SGMS1: variants seen among roughly 807,000 people sequenced by gnomAD.
SGMS1 encodes the protein sphingomyelin synthase 1, also known as phosphatidylcholine:ceramide cholinephosphotransferase 1.
SGMS1 carries 13 observed loss-of-function variants against 46.2 expected under a neutral mutation model. The ratio of observed to expected loss-of-function variants is 0.28; its 90% CI spans 0.18 to 0.45. SGMS1 has a LOEUF of 0.45. Ranked by LOEUF, SGMS1 falls within the 20% of genes least tolerant of loss-of-function variation. The pLI is 1.00. For missense variants in SGMS1, 324 were observed against 519.9 expected, an observed-to-expected ratio of 0.62 and a Z score of 3.66; for synonymous variants, 203 against 187.8, an observed-to-expected ratio of 1.08 and a Z score of -0.66.
At chr10:50,553,265 G>A (rs1185392667) in intron 2 of SGMS1, among the ~76,000 whole-genome samples, 1 of 152,086 alleles carries the variant, frequency 6.6e-6, no homozygotes, top group Non-Finnish European at 1.5e-5. Flanking sequence ...TTAACCCCTG[G>A]GGTTCAAATC....
Position 50,311,732 on chromosome 10 carries a change from A to G in SGMS1, c.742-317T>C, listed in dbSNP as rs191974059. On this transcript the variant is annotated intron_variant, in intron 8 of 10. Coordinates refer to ENST00000361781, the MANE Select transcript of SGMS1 (RefSeq NM_147156.4). ...ACAGTACTTCTATCTGACTGACTGA[A>G]TAATTGCTTTAGTATAACTATCATT... Among the ~76,000 whole-genome samples, 5 of 152,368 alleles carry G rather than the reference A, an allele frequency of 3.3e-5. No individual in the cohort carries two copies. In the South Asian group the frequency reaches 1.0e-3, roughly 32 times the overall value.
At chr10:50,376,315 G>A (rs1848520650) in intron 6 of SGMS1, among the ~76,000 whole-genome samples, 1 of 152,078 alleles carries the variant, frequency 6.6e-6, no homozygotes, top group African/African-American at 2.4e-5. Context: ...TACTCTTGCT[G>A]GTTTCACCTT....
chr10:50,579,859 T>A (rs1025031190), intron 2 of SGMS1, among the ~76,000 whole-genome samples: 1 of 152,114 alleles, frequency 6.6e-6, no homozygotes, highest in African/African-American at 2.4e-5. Flanking sequence ...AAAGAGAGGA[T>A]CCCAAGATGT....
intron 6 of SGMS1, among the ~76,000 whole-genome samples, chr10:50,382,568 T>TACACACACACACAC (rs57835243): frequency 8.3e-4 from 118 of 142,758 alleles, no homozygotes; most frequent in East Asian, 3.5e-3. Flanking sequence ...AACACACACA[T>TACACACACACACAC]ACACACACAC....
intron 6 of SGMS1, among the ~76,000 whole-genome samples, chr10:50,371,271 C>T (rs751466147): frequency 1.1e-4 from 16 of 152,174 alleles, no homozygotes; most frequent in Non-Finnish European, 1.8e-4. Flanking sequence ...CGTTATGCCA[C>T]GCATGACTCT....
intron 1 of SGMS1, among the ~76,000 whole-genome samples, chr10:50,593,460 T>C (rs1214728533): frequency 6.6e-6 from 1 of 152,234 alleles, no homozygotes; most frequent in African/African-American, 2.4e-5. Flanking sequence ...TAAAGAATAA[T>C]AAAATAAATC....
chr10:50,458,372 T>C (rs1372287751), intron 5 of SGMS1, among the ~76,000 whole-genome samples: 5 of 127,068 alleles, frequency 3.9e-5, no homozygotes, highest in African/African-American at 1.5e-4. Context: ...TTTTTTTTGT[T>C]TGAGGTGGAG....
chr10:50,352,506 C>G (rs1789248319), intron 6 of SGMS1, among the ~76,000 whole-genome samples: 1 of 152,130 alleles, frequency 6.6e-6, no homozygotes, highest in African/African-American at 2.4e-5. Flanking sequence ...TGCATAAATT[C>G]TTTATCCCAA....
intron 6 of SGMS1, among the ~76,000 whole-genome samples, chr10:50,356,322 G>A (rs1848147463): frequency 1.3e-5 from 2 of 152,168 alleles, no homozygotes; most frequent in South Asian, 2.1e-4. Context: ...TAAGGGCGGT[G>A]CAAGATGTGC....
intron 3 of SGMS1, among the ~76,000 whole-genome samples, chr10:50,512,659 G>C (rs896731012): frequency 6.6e-6 from 1 of 152,200 alleles, no homozygotes; most frequent in Non-Finnish European, 1.5e-5. Context: ...AAAAGACACT[G>C]TTCTTGGCCC....
intron 1 of SGMS1, among the ~76,000 whole-genome samples, chr10:50,599,049 CA>C (rs1838623074): frequency 6.6e-6 from 1 of 152,154 alleles, no homozygotes; most frequent in Admixed American, 6.5e-5. Flanking sequence ...AATACCACTC[CA>C]CTGTATAATG....
At chr10:50,323,380 C>G (rs1847479965) in intron 8 of SGMS1, among the ~76,000 whole-genome samples, 1 of 152,152 alleles carries the variant, frequency 6.6e-6, no homozygotes, top group Non-Finnish European at 1.5e-5. Context: ...AAGCTCAACT[C>G]TCCTCCCTTA....
intron 2 of SGMS1, among the ~76,000 whole-genome samples, chr10:50,575,857 T>C (rs1308178043): frequency 6.6e-6 from 1 of 152,166 alleles, no homozygotes; most frequent in Non-Finnish European, 1.5e-5. Context: ...GCTTTTTAAG[T>C]TCCACAGAAA....
At chr10:50,456,078 T>C (rs113851237) in intron 5 of SGMS1, among the ~76,000 whole-genome samples, 8 of 152,156 alleles carry the variant, frequency 5.3e-5, no homozygotes. Flanking sequence ...ACAAGCATAA[T>C]GGAAACTTGG....
intron 8 of SGMS1, among the ~76,000 whole-genome samples, chr10:50,314,074 T>C (rs756383070): frequency 1.1e-4 from 16 of 152,064 alleles, no homozygotes; most frequent in African/African-American, 1.7e-4. Flanking sequence ...ATTGTTTACA[T>C]AGCACAGAGA....
intron 3 of SGMS1, among the ~76,000 whole-genome samples, chr10:50,516,432 ACT>A (rs1837807034): frequency 6.6e-6 from 1 of 152,156 alleles, no homozygotes; most frequent in South Asian, 2.1e-4. Context: ...TATATCTAAG[ACT>A]CTGCATAGAA....
chr10:50,521,926 A>G (rs187571788), intron 2 of SGMS1, among the ~76,000 whole-genome samples: 1 of 152,312 alleles, frequency 6.6e-6, no homozygotes, highest in African/African-American at 2.4e-5. Context: ...GCAGCTAACA[A>G]GTAATCTGTG....
At chr10:50,524,842 C>T (rs2133794191) in intron 2 of SGMS1, among the ~76,000 whole-genome samples, 1 of 152,198 alleles carries the variant, frequency 6.6e-6, no homozygotes. Context: ...TCAATGGTGA[C>T]CCTATGACAA....
At chr10:50,621,047 G>A (rs536686052) in intron 1 of SGMS1, among the ~76,000 whole-genome samples, 104 of 152,178 alleles carry the variant, frequency 6.8e-4, no homozygotes, top group African/African-American at 2.3e-3. Context: ...TTAGTGGTGC[G>A]TGCGTGTAGT....
Sources: gnomAD v4.1 joint callset for allele counts (sites outside exome capture counted in the v4.1 genomes callset) on GRCh38, gnomAD v4.1.1 for gene constraint, MANE v1.5 for transcripts, NCBI Gene and HGNC (gene_info 2026-07-23, HGNC 2026-07-21) for gene names.